The following MTMR12 variants were observed in gnomAD, a reference collection of about 807,000 sequenced individuals.
The protein encoded by MTMR12 is myotubularin related protein 12.
MTMR12 carries 33 observed loss-of-function variants against 96.7 expected under a neutral mutation model. The ratio of observed to expected loss-of-function variants is 0.34; its 90% CI spans 0.26 to 0.46. The LOEUF (loss-of-function observed/expected upper bound fraction) is 0.46. Ranked by LOEUF, MTMR12 falls within the 20% of genes least tolerant of loss-of-function variation. The pLI, the probability that MTMR12 is intolerant of heterozygous loss-of-function variation, is 1.00. For synonymous variants in MTMR12, 298 were observed against 327.2 expected, an observed-to-expected ratio of 0.91 and a Z score of 0.96; for missense variants, 721 against 896.1, an observed-to-expected ratio of 0.80 and a Z score of 2.49.
intron 1 of MTMR12, among the ~76,000 whole-genome samples, chr5:32,286,362 G>T (rs2112119692): frequency 6.6e-6 from 1 of 151,876 alleles, no homozygotes; most frequent in Non-Finnish European, 1.5e-5. Context: ...ATAAAATGAT[G>T]AATAAGAATT....
chr5:32,230,268 T>C lies in MTMR12; in HGVS notation c.1754A>G (p.His585Arg). 1 of 1,614,170 alleles carries C rather than the reference T, an allele frequency of 6.2e-7. No individual in the cohort carries two copies. The highest frequency in any genetic ancestry group is 8.5e-7 in the Non-Finnish European group (1 of 1,180,008). Reference protein sequence around the residue: ...KRGFFREETDHLIKNLLGKRI... With the variant: ...KRGFFREETDRLIKNLLGKRI... ...CTTGCCCAGAAGGTTTTTAATTAAA[T>C]GATCTGTTTCTTCCCTGAAAAATCC... is the stretch of plus-strand genomic sequence containing the variant. Residue 585 changes from histidine to arginine, a missense_variant, in exon 16 of 16, where the codon CAT becomes CGT. By Grantham distance (29) the His-to-Arg change is conservative. Coordinates refer to ENST00000382142, the MANE Select transcript of MTMR12 (RefSeq NM_001040446.3).
intron 1 of MTMR12, among the ~76,000 whole-genome samples, chr5:32,289,661 G>C (rs772429273): frequency 5.3e-5 from 8 of 152,174 alleles, no homozygotes; most frequent in African/African-American, 9.7e-5. Flanking sequence ...GCTCAGGTCT[G>C]ACTTACAGTG....
intron 6 of MTMR12, among the ~76,000 whole-genome samples, chr5:32,265,535 A>G (rs1012616928): frequency 2.6e-5 from 4 of 152,266 alleles, no homozygotes; most frequent in South Asian, 4.1e-4. Context: ...AAATTATAGC[A>G]ATCAACAAGT....
At chr5:32,279,682 G>A (rs1186354708) in intron 1 of MTMR12, among the ~76,000 whole-genome samples, 1 of 152,216 alleles carries the variant, frequency 6.6e-6, no homozygotes, top group Non-Finnish European at 1.5e-5. Flanking sequence ...TTGGAGCTAG[G>A]TGTTGGTTTC....
rs572657426 is a variant in MTMR12, at chr5:32,230,342, T to C, written c.1680A>G (p.Gln560=). Residue 560 remains glutamine (Q), a synonymous_variant, in exon 16 of 16, where the codon CAA becomes CAG. Transcript: ENST00000382142. The part of the protein sequence containing the change: ...GQRKGMRFKH[Q]RQLSLPLTQS... ...GTGTAAGTGGCAAAGAAAGTTGTCG[T>C]TGATGCTTTGAGAGAAAACACAAAT... 11 of 1,600,244 alleles carry C rather than the reference T, an allele frequency of 6.9e-6. 1 individual carries two copies. In the South Asian group the frequency reaches 7.9e-5, roughly 11 times the overall value.
chr5:32,265,483 T>C (rs1749552436), intron 6 of MTMR12, among the ~76,000 whole-genome samples: 1 of 152,098 alleles, frequency 6.6e-6, no homozygotes, highest in South Asian at 2.1e-4. Context: ...TTCCTGAAAA[T>C]AGATATGATT....
chr5:32,241,557 G>A (rs778587171), intron 12 of MTMR12, among the ~76,000 whole-genome samples: 2 of 152,200 alleles, frequency 1.3e-5, no homozygotes, highest in Non-Finnish European at 2.9e-5. Flanking sequence ...TTGCATGGTG[G>A]TTCACACTTG....
chr5:32,235,424 C>T (rs373587643), intron 13 of MTMR12, among the ~76,000 whole-genome samples: 1 of 152,208 alleles, frequency 6.6e-6, no homozygotes, highest in African/African-American at 2.4e-5. Flanking sequence ...TAATAGAAAA[C>T]ACTAACTTAG....
intron 15 of MTMR12, among the ~76,000 whole-genome samples, chr5:32,231,292 T>C (rs1477332809): frequency 6.7e-6 from 1 of 149,768 alleles, no homozygotes; most frequent in East Asian, 2.0e-4. Flanking sequence ...GGGAGGAGAA[T>C]TGCTTGAACC....
chr5:32,284,317 C>CAAAAAAAAAAAA (rs57597487), intron 1 of MTMR12, among the ~76,000 whole-genome samples: 1 of 47,276 alleles, frequency 2.1e-5, no homozygotes, highest in African/African-American at 7.3e-5. Flanking sequence ...GACCCTGTCT[C>CAAAAAAAAAAAA]AAAAAAAAAA....
At chr5:32,263,266 CAATAA>C in intron 6 of MTMR12, 24 bp from the exon 7 acceptor site, 1 of 1,612,226 alleles carries the variant, frequency 6.2e-7, no homozygotes, top group Non-Finnish European at 8.5e-7. Context: ...ATGTAAAAGA[CAATAA>C]AATCTTTCCA....
chr5:32,268,802 A>C lies in MTMR12; in HGVS notation c.490-8T>G, dbSNP rs745583963. 1 of 1,599,572 alleles carries C rather than the reference A, an allele frequency of 6.3e-7. No homozygotes were observed. Among genetic ancestry groups the C allele is most frequent in the Non-Finnish European group, 8.6e-7 (1 of 1,166,770 alleles). ...AATTATGCCACTGACAATCTAAAAA[A>C]GAATCGAACAATGGATATAGTTATG... On this transcript the variant is annotated splice_polypyrimidine_tract_variant and splice_region_variant and intron_variant, in intron 5 of 15. Transcript: ENST00000382142.
At chr5:32,285,085 C>T (rs1189199060) in intron 1 of MTMR12, among the ~76,000 whole-genome samples, 1 of 152,148 alleles carries the variant, frequency 6.6e-6, no homozygotes, top group Non-Finnish European at 1.5e-5. Context: ...GGGCCAGGCA[C>T]AGTGGCTCAC....
At chr5:32,302,052 G>A (rs1415519986) in intron 1 of MTMR12, among the ~76,000 whole-genome samples, 3 of 152,140 alleles carry the variant, frequency 2.0e-5, no homozygotes, top group Non-Finnish European at 4.4e-5. Flanking sequence ...ACTGTGGCCA[G>A]GGCTTCCCTT....
In MTMR12 at chr5:32,296,492, G is replaced by A. The variant is rs759545878; in HGVS notation, c.81+16266C>T. 31 of 364,160 alleles carry A rather than the reference G, an allele frequency of 8.5e-5. 1 individual carries two copies. The highest frequency in any genetic ancestry group is 1.2e-4 in the Admixed American group (4 of 33,922). The allele number at this position is 364,160 out of a possible 1,614,324, so 22.6% of individuals were successfully genotyped here. On this transcript the variant is annotated intron_variant, in intron 1 of 15. Transcript: ENST00000382142. ...AGACCTTGTCTCCAAAAAAAGAAAC[G>A]AGAAAAAAAAAGGTGTAATTGGCTG...
At chr5:32,306,387 A>G (rs1581652442) in intron 1 of MTMR12, among the ~76,000 whole-genome samples, 1 of 152,220 alleles carries the variant, frequency 6.6e-6, no homozygotes, top group East Asian at 1.9e-4. Flanking sequence ...AATAAATACT[A>G]GTAATTATTC....
chr5:32,287,764 T>C (rs1230927089), intron 1 of MTMR12, among the ~76,000 whole-genome samples: 1 of 152,102 alleles, frequency 6.6e-6, no homozygotes, highest in Non-Finnish European at 1.5e-5. Flanking sequence ...GCATGAACTG[T>C]TTAGAAAGTT....
At chr5:32,282,425 A>G (rs935125029) in intron 1 of MTMR12, among the ~76,000 whole-genome samples, 1 of 102,742 alleles carries the variant, frequency 9.7e-6, no homozygotes, top group African/African-American at 4.1e-5. Flanking sequence ...CATCTAAAAT[A>G]AATAAATAAA....
chr5:32,276,454 A>T (rs565686912), intron 2 of MTMR12, among the ~76,000 whole-genome samples: 1 of 152,224 alleles, frequency 6.6e-6, no homozygotes, highest in Admixed American at 6.5e-5. Flanking sequence ...GTTTATTTTC[A>T]TCAGTTTGGG....
Sources: allele counts gnomAD v4.1 joint callset (sites outside exome capture counted in the v4.1 genomes callset), GRCh38; gene constraint gnomAD v4.1.1; transcripts MANE v1.5; gene names NCBI Gene and HGNC (gene_info 2026-07-23, HGNC 2026-07-21).